Variants in PLPP1 observed in about 807,000 individuals in gnomAD.
The protein encoded by PLPP1 is lipid phosphate phosphohydrolase 1a.
A neutral mutation model predicts 31.2 loss-of-function variants in PLPP1; 24 were observed. That is an observed-to-expected ratio of 0.77 (90% CI 0.56 to 1.08). The LOEUF is 1.08. Ranked by LOEUF, PLPP1 falls within the 50% of genes least tolerant of loss-of-function variation. The pLI, the probability that PLPP1 is intolerant of heterozygous loss-of-function variation, is 0.00. For synonymous variants in PLPP1, 146 were observed against 126.3 expected (o/e 1.16, Z -1.05); for missense variants, 319 against 342.7 (o/e 0.93, Z 0.55).
chr5:55,466,737 TGAA>T (rs1230251156), intron 3 of PLPP1, among the ~76,000 whole-genome samples: 2 of 151,534 alleles, frequency 1.3e-5, no homozygotes, highest in Non-Finnish European at 1.5e-5. Flanking sequence ...AAAAAAAAAT[TGAA>T]GCTATTAGCA....
At chr5:55,438,553 G>C (rs1455749324) in intron 4 of PLPP1, among the ~76,000 whole-genome samples, 1 of 152,106 alleles carries the variant, frequency 6.6e-6, no homozygotes, top group Non-Finnish European at 1.5e-5. Flanking sequence ...AAGGTGCCCA[G>C]AGAAACAAGA....
At chr5:55,425,433 A>G (rs985573962) in intron 5 of PLPP1, 99 bp from the exon 6 acceptor site, 1 of 1,156,332 alleles carries the variant, frequency 8.6e-7, no homozygotes, top group African/African-American at 1.6e-5. Context: ...AAACAAAAGG[A>G]TATACTTTGA....
chr5:55,534,397 G>A (rs139372080), intron 1 of PLPP1, among the ~76,000 whole-genome samples, 175 bp downstream of exon 1: 2 of 152,344 alleles, frequency 1.3e-5, no homozygotes, highest in East Asian at 1.9e-4. Context: ...GGGCACGCGG[G>A]AGCCGGGGTG....
chr5:55,530,786 G>C (rs1310504246), intron 1 of PLPP1: 11 of 1,512,680 alleles, frequency 7.3e-6, no homozygotes, highest in Admixed American at 1.7e-5. Context: ...CAGAAAACGT[G>C]CTGACAGGGC....
At chr5:55,442,934 A>G (rs1489808482) in intron 3 of PLPP1, among the ~76,000 whole-genome samples, 1 of 151,966 alleles carries the variant, frequency 6.6e-6, no homozygotes, top group Non-Finnish European at 1.5e-5. Flanking sequence ...CCACGAAAAG[A>G]TGCTCATGCA....
At chr5:55,441,182 A>AGT (rs1751612723) in intron 4 of PLPP1, among the ~76,000 whole-genome samples, 1 of 152,216 alleles carries the variant, frequency 6.6e-6, no homozygotes, top group African/African-American at 2.4e-5. Context: ...AAAACTACAT[A>AGT]TTCATCTCTA....
At chr5:55,514,940 A>G (rs1753524219) in intron 1 of PLPP1, among the ~76,000 whole-genome samples, 1 of 152,258 alleles carries the variant, frequency 6.6e-6, no homozygotes, top group South Asian at 2.1e-4. Flanking sequence ...AAACAGGTAG[A>G]CATCAGCTTA....
intron 1 of PLPP1, among the ~76,000 whole-genome samples, chr5:55,478,948 A>G (rs1044078355): frequency 1.3e-5 from 2 of 151,796 alleles, no homozygotes; most frequent in African/African-American, 4.8e-5. Context: ...TGCCACCACC[A>G]AAGGCCTTAG....
At chr5:55,440,058 G>A (rs952278694) in intron 4 of PLPP1, among the ~76,000 whole-genome samples, 1 of 152,196 alleles carries the variant, frequency 6.6e-6, no homozygotes, top group African/African-American at 2.4e-5. Flanking sequence ...TTGTAAAACA[G>A]TGGCAGTCAT....
chr5:55,458,159 C>A (rs372913164), intron 3 of PLPP1, among the ~76,000 whole-genome samples: 2 of 152,302 alleles, frequency 1.3e-5, no homozygotes, highest in South Asian at 4.1e-4. Context: ...CTAATCCTTA[C>A]TGTGCTTCAA....
At chr5:55,479,064 G>A (rs1752618276) in intron 1 of PLPP1, among the ~76,000 whole-genome samples, 1 of 144,824 alleles carries the variant, frequency 6.9e-6, no homozygotes. Flanking sequence ...CACTGTTGCT[G>A]CCCAGGCTGG....
chr5:55,506,255 CA>C (rs1753275136), intron 1 of PLPP1, among the ~76,000 whole-genome samples: 1 of 102,322 alleles, frequency 9.8e-6, no homozygotes, highest in Admixed American at 1.1e-4. Flanking sequence ...ACAAATACAG[CA>C]AATTACTAAA....
At chr5:55,498,740 C>T (rs973223926) in intron 1 of PLPP1, among the ~76,000 whole-genome samples, 3 of 150,798 alleles carry the variant, frequency 2.0e-5, no homozygotes, top group African/African-American at 7.3e-5. Flanking sequence ...AGTCCAAGAA[C>T]ACGCTAGGGA....
intron 1 of PLPP1, among the ~76,000 whole-genome samples, chr5:55,483,453 CAT>C (rs1364216118): frequency 6.6e-6 from 1 of 152,010 alleles, no homozygotes; most frequent in Non-Finnish European, 1.5e-5. Context: ...GGGCAGATCA[CAT>C]GAGGTCAGGA....
chr5:55,435,275 T>C (rs1042806318), intron 4 of PLPP1, among the ~76,000 whole-genome samples: 3 of 152,196 alleles, frequency 2.0e-5, no homozygotes, highest in African/African-American at 7.2e-5. Flanking sequence ...GGAACTCTTC[T>C]ACACTGCTGC....
chr5:55,470,255 T>G (rs538951323), intron 2 of PLPP1, among the ~76,000 whole-genome samples: 48 of 152,232 alleles, frequency 3.2e-4, no homozygotes, highest in Non-Finnish European at 5.4e-4. Context: ...ACATTTCATT[T>G]TGGAATTAAT....
chr5:55,450,401 T>A (rs1751866701), intron 3 of PLPP1, among the ~76,000 whole-genome samples: 1 of 152,180 alleles, frequency 6.6e-6, no homozygotes, highest in Non-Finnish European at 1.5e-5. Flanking sequence ...CATGTGTGTC[T>A]TCTGTTTCTG....
At chr5:55,451,308 C>T (rs528301637) in intron 3 of PLPP1, among the ~76,000 whole-genome samples, 17 of 152,250 alleles carry the variant, frequency 1.1e-4, no homozygotes, top group Non-Finnish European at 7.4e-5. Context: ...AGAAAGATAA[C>T]GCTCAAGACA....
chr5:55,522,849 G>A (rs1387800892), intron 1 of PLPP1, among the ~76,000 whole-genome samples: 2 of 152,148 alleles, frequency 1.3e-5, no homozygotes, highest in Non-Finnish European at 2.9e-5. Context: ...CTCCTGAGTA[G>A]CTGGGACTAC....
Sources: gnomAD v4.1 joint callset for allele counts (sites outside exome capture counted in the v4.1 genomes callset) on GRCh38, gnomAD v4.1.1 for gene constraint, MANE v1.5 for transcripts, NCBI Gene and HGNC (gene_info 2026-07-23, HGNC 2026-07-21) for gene names.